Variants in SLC11A1 observed in about 807,000 individuals in gnomAD.
The protein encoded by SLC11A1 is natural resistance-associated macrophage protein 1.
SLC11A1 carries 59 observed loss-of-function variants against 63.2 expected under a neutral mutation model. The observed-to-expected ratio is 0.93, with a 90% confidence interval of 0.76 to 1.16. The LOEUF (loss-of-function observed/expected upper bound fraction) is 1.16. Among genes scored for constraint, SLC11A1 ranks in the 50% most tolerant of loss-of-function variants. SLC11A1 has a pLI of 0.00. For missense variants in SLC11A1, 688 were observed against 730.7 expected (o/e 0.94, Z 0.67); for synonymous variants, 305 against 307.8 (o/e 0.99, Z 0.09).
At chr2:218,394,324 TA>T in intron 13 of SLC11A1, 131 bp downstream of exon 13, 3 of 954,950 alleles carry the variant, frequency 3.1e-6, no homozygotes, top group Non-Finnish European at 4.8e-6. Context: ...TTAAGGGACT[TA>T]CCCAGGTTCA....
chr2:218,382,916 C>A lies in SLC11A1; in HGVS notation c.8-44C>A, dbSNP rs371793398. The A allele has an allele frequency of 2.5e-6, 4 of 1,612,026 alleles. No homozygotes were observed. In the African/African-American group the frequency reaches 5.3e-5, roughly 22 times the overall value. ...TCAGGCGGCTTTAACTCTGGGCCAC[C>A]AGAAAGAGGCAGGACACTCACCATG... On this transcript the variant is annotated intron_variant, in intron 1 of 14. Transcript: ENST00000233202.
chr2:218,384,053 C>A lies in SLC11A1; in HGVS notation c.151-190C>A. 1 of 460,970 alleles carries A rather than the reference C, an allele frequency of 2.2e-6. No individual in the cohort carries two copies. The highest frequency in any genetic ancestry group is 3.8e-6 in the Non-Finnish European group (1 of 265,430). The allele number at this position is 460,970 out of a possible 1,614,324, so 28.6% of individuals were successfully genotyped here. On this transcript the variant is annotated intron_variant, in intron 2 of 14. Coordinates refer to ENST00000233202, the MANE Select transcript of SLC11A1 (RefSeq NM_000578.4). The surrounding 1 kb of genome is among the most constrained non-coding windows in gnomAD (Gnocchi z 4.0). ...AGATCCAGAAAAAGATCCTCTGTGA[C>A]TCATCAGAGCATGCTGCTTCCTCCA...
chr2:218,384,204 C>G lies in SLC11A1; in HGVS notation c.151-39C>G, dbSNP rs1431491084. ...AGGCCAGCTGCCACCATCCCTATAC[C>G]CAGGACCCCCTCACTCTACTCCTCC... On this transcript the variant is annotated intron_variant, in intron 2 of 14. Coordinates refer to ENST00000233202, the MANE Select transcript of SLC11A1 (RefSeq NM_000578.4). This position sits in a 1 kb window ranked among gnomAD's most constrained non-coding sequence, Gnocchi z 4.0. 1 of 1,558,404 alleles carries G rather than the reference C, an allele frequency of 6.4e-7. No individual in the cohort carries two copies. The highest frequency in any genetic ancestry group is 1.2e-5 in the South Asian group (1 of 85,744).
intron 9 of SLC11A1, among the ~76,000 whole-genome samples, chr2:218,390,907 TG>T (rs1696393500): frequency 6.6e-6 from 1 of 151,116 alleles, no homozygotes; most frequent in African/African-American, 2.4e-5. Flanking sequence ...CCCGGCCGGG[TG>T]CGGTGGCTCA....
intron 12 of SLC11A1, 48 bp downstream of exon 12, chr2:218,393,178 G>A: frequency 6.8e-7 from 1 of 1,466,996 alleles, no homozygotes; most frequent in Middle Eastern, 2.3e-4. Context: ...GAGCGAAACA[G>A]GACCTCCAGC....
Position 218,387,844 on chromosome 2 carries a change from G to A in SLC11A1, c.684G>A (p.Leu228=). 16 of 1,602,874 alleles carry A rather than the reference G, an allele frequency of 1.0e-5. No homozygotes were observed. The highest frequency in any genetic ancestry group is 1.2e-5 in the Non-Finnish European group (14 of 1,174,886). The change falls in exon 8 of 15, where the codon CTG becomes CTA. Residue 228 remains leucine (L), a synonymous_variant. Coordinates refer to ENST00000233202, the MANE Select transcript of SLC11A1 (RefSeq NM_000578.4). ...RPEQGALLRG[L]FLPSCPGCGH... The stretch of plus-strand genomic sequence containing the variant: ...AGCAGGGAGCGCTTCTTCGGGGCCT[G>A]TTCCTGCCCTCGTGCCCGGGCTGCG...
intron 6 of SLC11A1, 22 bp downstream of exon 6, chr2:218,387,252 T>C (rs1332857573): frequency 5.0e-6 from 8 of 1,595,248 alleles, no homozygotes; most frequent in East Asian, 4.5e-5. Context: ...CCCCACCTCA[T>C]AGGGGAGTGG....
In SLC11A1 at chr2:218,396,400, G is replaced by A. The variant is rs959528797; in HGVS notation, c.*1365G>A. 1.3e-5 allele frequency: 2 copies of A among 152,426 alleles called. No homozygotes were observed. Among genetic ancestry groups the A allele is most frequent in the African/African-American group, 4.8e-5 (2 of 41,466 alleles). 9.4% of individuals were successfully genotyped at this position (152,426 alleles called of 1,614,324 possible). ...CCCAGGACCTGCGGAGGGCCGCAGC[G>A]AGGAGAGGCCAACAGGCCTTTCCCT... On this transcript the variant is annotated 3_prime_UTR_variant, in exon 15 of 15. Transcript: ENST00000233202.
In SLC11A1 at chr2:218,394,133, T is replaced by C. The variant is rs17215556; in HGVS notation, c.1328T>C (p.Val443Ala). 14,747 of 1,614,144 alleles carry C rather than the reference T, an allele frequency of 9.1e-3. 89 individuals are homozygous for C. The highest frequency in any genetic ancestry group is 0.011 in the Non-Finnish European group (12,528 of 1,180,002). Residue 443 changes from valine (V) to alanine (A), a missense_variant, in exon 13 of 15, where the codon GTG (valine) becomes GCG (alanine). Coordinates refer to ENST00000233202, the MANE Select transcript of SLC11A1 (RefSeq NM_000578.4). ...VLQSLLLPFA[V>A]LPILTFTSMP... ...TGCTCTCCCCAGCTCCCGTTCGCCG[T>C]GCTGCCCATCCTCACGTTCACCAGC...
At chr2:218,390,260 C>T (rs1696351016) in intron 9 of SLC11A1, among the ~76,000 whole-genome samples, 1 of 151,406 alleles carries the variant, frequency 6.6e-6, no homozygotes, top group Non-Finnish European at 1.5e-5. Context: ...CAGCTCTCTG[C>T]AGCTTAAATA....
chr2:218,390,077 C>T, intron 9 of SLC11A1, 49 bp downstream of exon 9: 1 of 1,567,406 alleles, frequency 6.4e-7, no homozygotes, highest in Non-Finnish European at 8.6e-7. Context: ...TACTCATGTC[C>T]TGTAAGCCTT....
chr2:218,385,217 T>C lies in SLC11A1; in HGVS notation c.344T>C (p.Val115Ala). 6.2e-7 allele frequency: 1 copy of C among 1,614,056 alleles called. No individual in the cohort carries two copies. Among genetic ancestry groups the C allele is most frequent in the Non-Finnish European group, 8.5e-7 (1 of 1,179,932 alleles). Residue 115 changes from valine (V) to alanine (A), a missense_variant, in exon 4 of 15, where the codon GTG becomes GCG. Physicochemically the swap from Val to Ala is moderately conservative, Grantham distance 64 (BLOSUM62 0). Transcript: ENST00000233202. ...LCQRLAARLG[V>A]VTGKDLGEVC... ...CAGCGACTGGCTGCACGTCTGGGCGTGGTGACAGGCAAGGACTTGGGCGAG... is the reference window on the plus strand; with the variant it reads ...CAGCGACTGGCTGCACGTCTGGGCGCGGTGACAGGCAAGGACTTGGGCGAG...
Position 218,395,019 on chromosome 2 carries a change from G to T in SLC11A1, c.1637G>T (p.Gly546Val). The change falls in exon 15 of 15, where the codon GGG becomes GTG. Residue 546 changes from glycine to valine, a missense_variant. Physicochemically the swap from Gly to Val is moderately radical, Grantham distance 109. Coordinates refer to ENST00000233202, the MANE Select transcript of SLC11A1 (RefSeq NM_000578.4). Reference protein sequence around the residue: ...LYGLLEEDQKGETSG With the variant: ...LYGLLEEDQKVETSG ...GGGCTCCTTGAAGAGGACCAGAAAG[G>T]GGAGACCTCTGGCTAGGCCCACACC... 6.2e-7 allele frequency: 1 copy of T among 1,607,018 alleles called. No individual in the cohort carries two copies. The highest frequency in any genetic ancestry group is 2.2e-5 in the East Asian group (1 of 44,668).
chr2:218,385,508 A>G (rs1023826277), intron 4 of SLC11A1: 2 of 538,584 alleles, frequency 3.7e-6, no homozygotes, highest in Admixed American at 2.2e-5. Flanking sequence ...CTCCTGACTC[A>G]GCCTCTCAAG....
chr2:218,385,512 T>C (rs1489754593), intron 4 of SLC11A1: 1 of 531,936 alleles, frequency 1.9e-6, no homozygotes, highest in Non-Finnish European at 3.6e-6. Context: ...TGACTCAGCC[T>C]CTCAAGTAGC....
chr2:218,394,751 T>C lies in SLC11A1; in HGVS notation c.1508T>C (p.Leu503Pro), dbSNP rs370510357. The C allele has an allele frequency of 3.7e-6, 6 of 1,613,564 alleles. No homozygotes were observed. Among genetic ancestry groups the C allele is most frequent in the Non-Finnish European group, 5.1e-6 (6 of 1,180,016 alleles). The part of the protein sequence containing the change: ...HPAYFGLAAL[L>P]AAAYLGLSTY... ...GCCTACTTCGGCCTTGCAGCCTTGC[T>C]GGCCGCAGCCTACCTGGGCCTCAGC... Residue 503 changes from leucine (L) to proline (P), a missense_variant, in exon 14 of 15, where the codon CTG becomes CCG. Physicochemically the swap from Leu to Pro is moderately conservative, Grantham distance 98. Transcript: ENST00000233202.
intron 12 of SLC11A1, 38 bp downstream of exon 12, chr2:218,393,168 G>A: frequency 6.7e-7 from 1 of 1,495,018 alleles, no homozygotes; most frequent in Non-Finnish European, 8.9e-7. Context: ...GCCCACTGCT[G>A]AGCGAAACAG....
chr2:218,391,282 CA>C lies in SLC11A1; in HGVS notation c.1040del (p.Gln347ArgfsTer4), dbSNP rs1696422772. The C allele has an allele frequency of 2.6e-6, 3 of 1,149,348 alleles. No individual in the cohort carries two copies. The highest frequency in any genetic ancestry group is 1.9e-5 in the Admixed American group (1 of 51,788). 71.2% of individuals were successfully genotyped at this position (1,149,348 alleles called of 1,614,324 possible). On this transcript the variant is annotated frameshift_variant, in exon 10 of 15. Coordinates refer to ENST00000233202, the MANE Select transcript of SLC11A1 (RefSeq NM_000578.4). LOFTEE classifies it high-confidence loss of function. ...NNATVAVDIY[Q>X]GGVILGCLFG... ...CGCCACCGTGGCCGTGGACATTTAC[CA>C]GGGGGTGAGCGCGGGTGGGTGGGGA...
At chr2:218,389,843 A>C in intron 8 of SLC11A1, 27 bp from the exon 9 acceptor site, 1 of 1,588,944 alleles carries the variant, frequency 6.3e-7, no homozygotes, top group Non-Finnish European at 8.6e-7. Context: ...GGACTTTGGC[A>C]CTTCCCTCTC....
Sources: gnomAD v4.1 joint callset for allele counts (sites outside exome capture counted in the v4.1 genomes callset) on GRCh38, gnomAD v4.1.1 for gene constraint, Gnocchi (gnomAD v3.1) non-coding constraint, MANE v1.5 for transcripts, NCBI Gene and HGNC (gene_info 2026-07-23, HGNC 2026-07-21) for gene names.